The following WBP2NL variants were observed in gnomAD, a reference collection of about 807,000 sequenced individuals.
WBP2NL encodes WBP2 N-terminal like, also known as postacrosomal sheath WW domain-binding protein.
In WBP2NL, 27 loss-of-function variants were observed where a neutral mutation model predicts 23.3. The observed-to-expected ratio is 1.16, with a 90% CI of 0.85 to 1.60. The LOEUF (loss-of-function observed/expected upper bound fraction) is 1.60, where lower values mean the gene tolerates loss of function less well. Among genes scored for constraint, WBP2NL ranks in the 40% most tolerant of loss-of-function variants. The pLI is 0.00. For synonymous variants in WBP2NL, 151 were observed against 145.9 expected (o/e 1.03, Z -0.25); for missense variants, 370 against 389.5 (o/e 0.95, Z 0.42).
intron 1 of WBP2NL, among the ~76,000 whole-genome samples, chr22:42,014,687 C>T (rs1439946150): frequency 6.6e-6 from 1 of 152,156 alleles, no homozygotes; most frequent in African/African-American, 2.4e-5. Context: ...CCGTTATTCC[C>T]ATTGACCTAC....
At chr22:42,033,084 T>C (rs1211086462), downstream of WBP2NL, among the ~76,000 whole-genome samples, 1 of 152,106 alleles carries the variant, frequency 6.6e-6, no homozygotes, top group Non-Finnish European at 1.5e-5. Flanking sequence ...CTGGATCCCA[T>C]GCCTGCCAAG....
At chr22:42,022,888 G>A (rs981241887) in intron 5 of WBP2NL, among the ~76,000 whole-genome samples, 24 of 152,158 alleles carry the variant, frequency 1.6e-4, no homozygotes, top group Non-Finnish European at 3.4e-4. Flanking sequence ...GACTTTTCTT[G>A]AGTTCTCCTT....
At chr22:42,008,392 A>G (rs2146764718) in intron 1 of WBP2NL, among the ~76,000 whole-genome samples, 1 of 151,258 alleles carries the variant, frequency 6.6e-6, no homozygotes, top group South Asian at 2.1e-4. Flanking sequence ...TTTTTAGTAG[A>G]GACGGGGTTT....
At chr22:42,018,946 C>G (rs988197066) in intron 1 of WBP2NL, among the ~76,000 whole-genome samples, 3 of 150,082 alleles carry the variant, frequency 2.0e-5, no homozygotes, top group Non-Finnish European at 4.4e-5. Context: ...CATTAAGGGC[C>G]GGGCACGGTG....
chr22:42,052,985 A>G (rs1192729597), intron 8 of WBP2NL, among the ~76,000 whole-genome samples: 1 of 152,066 alleles, frequency 6.6e-6, no homozygotes, highest in African/African-American at 2.4e-5. Flanking sequence ...ACCATTAGCA[A>G]TCACTTCTCA....
chr22:42,019,153 G>A (rs920460698), intron 1 of WBP2NL, among the ~76,000 whole-genome samples, 158 bp from the exon 2 acceptor site: 5 of 151,882 alleles, frequency 3.3e-5, no homozygotes, highest in Non-Finnish European at 7.4e-5. Context: ...CCCGGGAGGC[G>A]GAGCTTGCAG....
At chr22:42,029,434 C>T (rs1924787050), downstream of WBP2NL, among the ~76,000 whole-genome samples, 1 of 151,658 alleles carries the variant, frequency 6.6e-6, no homozygotes, top group African/African-American at 2.4e-5. Flanking sequence ...TGCAGTGGCA[C>T]AATCTTGGCT....
chr22:42,027,375 CT>C lies in WBP2NL; in HGVS notation c.*196del, dbSNP rs1485870469. 1.6e-6 allele frequency: 1 copy of C among 640,626 alleles called. No individual in the cohort carries two copies. Among genetic ancestry groups the C allele is most frequent in the Non-Finnish European group, 2.4e-6 (1 of 408,740 alleles). The allele number at this position is 640,626 out of a possible 1,614,324, so 39.7% of individuals were successfully genotyped here. The stretch of plus-strand genomic sequence containing the variant: ...CTAGATTTTAGAAGCAGAATCAACT[CT>C]TAAATAGCTGGCTAAAGGAAGAATA... On this transcript the variant is annotated 3_prime_UTR_variant, in exon 6 of 6. Coordinates refer to ENST00000328823, the MANE Select transcript of WBP2NL (RefSeq NM_152613.3).
At position 42,027,336 on chromosome 22, in the gene WBP2NL, CTT is replaced by C. The variant is rs893024002; in HGVS notation, c.*157_*158del. The C allele has an allele frequency of 1.2e-4, 115 of 951,788 alleles. No homozygotes were observed. In the Middle Eastern group the frequency reaches 1.9e-3, roughly 16 times the overall value. The allele number at this position is 951,788 out of a possible 1,614,324, so 59.0% of individuals were successfully genotyped here. A position where few individuals can be genotyped will look rare whatever the true frequency, so the allele number is the denominator to read the frequency against. ...GGCAATCTTATGGGGGAAGGTGAAA[CTT>C]TACTTCTGTGCCTAGATTTTAGAAG... On this transcript the variant is annotated 3_prime_UTR_variant, in exon 6 of 6. Coordinates refer to ENST00000328823, the MANE Select transcript of WBP2NL (RefSeq NM_152613.3).
chr22:42,049,930 T>C (rs1471709562), intron 8 of WBP2NL, among the ~76,000 whole-genome samples: 1 of 143,232 alleles, frequency 7.0e-6, no homozygotes, highest in African/African-American at 2.6e-5. Context: ...TGAGCCAAGA[T>C]TGTGCCATAG....
At chr22:42,029,294 GAAAA>G (rs953340569), downstream of WBP2NL, among the ~76,000 whole-genome samples, 27 of 81,988 alleles carry the variant, frequency 3.3e-4, no homozygotes, top group East Asian at 3.7e-3. Context: ...CTGTGTCTAG[GAAAA>G]AAAAAAAAAA....
Position 42,020,095 on chromosome 22 carries a change from T to C in WBP2NL, c.405T>C (p.Ala135=). ...AGTTGATGGTGAAAGCTGCCTCTGC[T>C]GGTAAGTGATGCTGATAAAGATATT... ...FAQLMVKAAS[A]AARGFPLRTL... Residue 135 remains alanine (A), a splice_region_variant and synonymous_variant, in exon 4 of 6, where the codon GCT becomes GCC. Coordinates refer to ENST00000328823, the MANE Select transcript of WBP2NL (RefSeq NM_152613.3). The C allele has an allele frequency of 5.0e-6, 8 of 1,612,990 alleles. No individual in the cohort carries two copies. The highest frequency in any genetic ancestry group is 6.8e-6 in the Non-Finnish European group (8 of 1,179,046).
chr22:42,046,546 ACAT>A (rs1471896726), intron 8 of WBP2NL, among the ~76,000 whole-genome samples: 3 of 152,212 alleles, frequency 2.0e-5, no homozygotes, highest in Admixed American at 6.5e-5. Flanking sequence ...ATTTTTTGTC[ACAT>A]CATTTTTAGA....
intron 8 of WBP2NL, among the ~76,000 whole-genome samples, chr22:42,040,021 C>T (rs1925343928): frequency 6.6e-6 from 1 of 151,642 alleles, no homozygotes; most frequent in Admixed American, 6.6e-5. Flanking sequence ...AAGCGATTCT[C>T]CTGCCTCAGC....
In WBP2NL at chr22:42,027,181, A is replaced by G. The variant is rs779224076; in HGVS notation, c.930A>G (p.Ter310=). 5 of 1,601,320 alleles carry G rather than the reference A, an allele frequency of 3.1e-6. No individual in the cohort carries two copies. Among genetic ancestry groups the G allele is most frequent in the Non-Finnish European group, 4.3e-6 (5 of 1,174,808 alleles). ...CCTCCTCTTCTCAGGTCCATTCTTA[A>G]CCTTCTAAGATGTAAACCTTGAAGA... ...PSASSSQVHS[*] Residue 310 remains the stop codon, a stop_retained_variant, in exon 6 of 6, where the codon TAA becomes TAG. Transcript: ENST00000328823.
rs775868442 is a variant in WBP2NL, at chr22:42,027,207, C to T, written c.*26C>T. The T allele has an allele frequency of 1.3e-5, 21 of 1,572,466 alleles. No individual in the cohort carries two copies. The East Asian group carries it at 4.7e-4, about 35-fold the overall frequency. On this transcript the variant is annotated 3_prime_UTR_variant, in exon 6 of 6. Coordinates refer to ENST00000328823, the MANE Select transcript of WBP2NL (RefSeq NM_152613.3). ...CCTTCTAAGATGTAAACCTTGAAGA[C>T]TCACCAAGCAAAGAGGTACCCTAAA...
chr22:42,019,439 T>C lies in WBP2NL; in HGVS notation c.171+20T>C, dbSNP rs767912749. ...TACCGGGTAATTTCTACTTCTACTT[T>C]AATCTGCTGATTAACTCTACATTTG... is the stretch of plus-strand genomic sequence containing the variant. On this transcript the variant is annotated intron_variant, in intron 2 of 5. Transcript: ENST00000328823. 1.9e-6 allele frequency: 3 copies of C among 1,602,556 alleles called. No individual in the cohort carries two copies. The highest frequency in any genetic ancestry group is 3.4e-5 in the Admixed American group (2 of 58,740).
chr22:42,001,556 T>C (rs1014349875), intron 1 of WBP2NL: 123 of 1,137,322 alleles, frequency 1.1e-4, no homozygotes, highest in Non-Finnish European at 1.6e-4. Flanking sequence ...TACACGAGTA[T>C]GGGCAAAATC....
intron 1 of WBP2NL, chr22:42,001,857 T>C: frequency 1.4e-6 from 2 of 1,433,630 alleles, no homozygotes; most frequent in Non-Finnish European, 1.9e-6. Flanking sequence ...ATGCTGCACC[T>C]GTAGCAGCAG....
Sources: gnomAD v4.1 joint callset for allele counts (sites outside exome capture counted in the v4.1 genomes callset) on GRCh38, gnomAD v4.1.1 for gene constraint, MANE v1.5 for transcripts, NCBI Gene and HGNC (gene_info 2026-07-23, HGNC 2026-07-21) for gene names.